The following TRAF3IP1 variants were observed in gnomAD, a reference collection of about 807,000 sequenced individuals.
The protein encoded by TRAF3IP1 is TRAF3-interacting protein 1.
In TRAF3IP1, 53 loss-of-function variants were observed where a neutral mutation model predicts 89.9. That is an observed-to-expected ratio of 0.59 (90% confidence interval 0.47 to 0.74). TRAF3IP1 has a LOEUF of 0.74. TRAF3IP1 is among the 30% of genes least tolerant of loss of function. The probability of loss-of-function intolerance (pLI) is 0.00; values close to 1 mark genes in which losing one functional copy is unlikely to be tolerated. For missense variants in TRAF3IP1, 806 were observed against 866.1 expected (o/e 0.93, Z 0.87); for synonymous variants, 311 against 322.1 (o/e 0.97, Z 0.37).
At chr2:238,367,932 G>C (rs1049051911) in intron 15 of TRAF3IP1, among the ~76,000 whole-genome samples, 6 of 151,782 alleles carry the variant, frequency 4.0e-5, no homozygotes, top group Non-Finnish European at 5.9e-5. Context: ...AACTTATTTC[G>C]AGAATTATTT....
At chr2:238,347,302 C>A in intron 9 of TRAF3IP1, 153 bp from the exon 10 acceptor site, 1 of 732,538 alleles carries the variant, frequency 1.4e-6, no homozygotes, top group Non-Finnish European at 2.3e-6. Flanking sequence ...GCAATAGGGA[C>A]ATTAGAAAAG....
chr2:238,376,388 C>G (rs554881123), intron 15 of TRAF3IP1, among the ~76,000 whole-genome samples: 1 of 152,326 alleles, frequency 6.6e-6, no homozygotes, highest in East Asian at 1.9e-4. Flanking sequence ...TACCACCCTG[C>G]TGTAATGACT....
intron 15 of TRAF3IP1, among the ~76,000 whole-genome samples, chr2:238,395,183 T>C (rs1701155330): frequency 6.6e-6 from 1 of 151,902 alleles, no homozygotes; most frequent in Admixed American, 6.6e-5. Context: ...CTGGGCAACA[T>C]AGTGAGACCC....
chr2:238,394,127 C>T (rs1701111554), intron 15 of TRAF3IP1, among the ~76,000 whole-genome samples: 1 of 152,036 alleles, frequency 6.6e-6, no homozygotes, highest in South Asian at 2.1e-4. Flanking sequence ...ATCTGGGAGG[C>T]AGAGGTTGCA....
At chr2:238,376,702 T>C (rs1361130298) in intron 15 of TRAF3IP1, among the ~76,000 whole-genome samples, 2 of 152,242 alleles carry the variant, frequency 1.3e-5, no homozygotes, top group African/African-American at 4.8e-5. Context: ...TCTGCTATTA[T>C]AAATACTGTA....
chr2:238,328,589 T>C (rs1340859548), intron 3 of TRAF3IP1, 97 bp from the exon 4 acceptor site: 11 of 1,387,856 alleles, frequency 7.9e-6, no homozygotes, highest in Non-Finnish European at 9.8e-6. Flanking sequence ...ACAGAGAATC[T>C]GTCTCATGAG....
chr2:238,387,006 A>G (rs1038046602), intron 15 of TRAF3IP1, among the ~76,000 whole-genome samples: 1 of 152,250 alleles, frequency 6.6e-6, no homozygotes, highest in African/African-American at 2.4e-5. Flanking sequence ...TCTAACAGCT[A>G]ACATTTATAG....
intron 15 of TRAF3IP1, among the ~76,000 whole-genome samples, chr2:238,381,392 C>T (rs941309325): frequency 2.0e-5 from 3 of 152,328 alleles, no homozygotes; most frequent in African/African-American, 7.2e-5. Context: ...TTGGAGGGGG[C>T]CATAGGCATG....
intron 14 of TRAF3IP1, among the ~76,000 whole-genome samples, chr2:238,355,283 C>T (rs1699358995): frequency 1.3e-5 from 2 of 152,178 alleles, no homozygotes. Context: ...CTACCCTCTA[C>T]TCTCCCTCTC....
rs948005996 is a variant in TRAF3IP1, at chr2:238,342,690, A to AT, written c.1160-1798dup. Reference sequence around the variant, plus strand: ...CCGCCAAACTTATGTTTATTTTTAGATTTTTTTTTGTTAAGAACTTAATAT... The same window carrying AT: ...CCGCCAAACTTATGTTTATTTTTAGATTTTTTTTTTGTTAAGAACTTAATAT... On this transcript the variant is annotated intron_variant, in intron 8 of 16. Transcript: ENST00000373327. Among the ~76,000 whole-genome samples, 48 of 151,486 alleles carry AT rather than the reference A, an allele frequency of 3.2e-4. No homozygotes were observed. The South Asian group carries it at 4.4e-3, about 14-fold the overall frequency.
intron 14 of TRAF3IP1, 134 bp from the exon 15 acceptor site, chr2:238,355,870 A>G (rs994650775): frequency 1.5e-6 from 1 of 682,980 alleles, no homozygotes; most frequent in South Asian, 1.7e-5. Context: ...ACAAATAAAG[A>G]TTATTTGAAA....
chr2:238,328,010 A>C (rs898397715), intron 3 of TRAF3IP1, among the ~76,000 whole-genome samples: 1 of 152,162 alleles, frequency 6.6e-6, no homozygotes, highest in Non-Finnish European at 1.5e-5. Flanking sequence ...GTTTGCTCCC[A>C]CATTTTAGCT....
At chr2:238,353,106 A>G in intron 13 of TRAF3IP1, 67 bp from the exon 14 acceptor site, 1 of 1,598,564 alleles carries the variant, frequency 6.3e-7, no homozygotes, top group Non-Finnish European at 8.6e-7. Context: ...TTTGAGATCC[A>G]CAGAAGCATG....
intron 16 of TRAF3IP1, 57 bp from the exon 17 acceptor site, chr2:238,398,697 A>G: frequency 2.7e-6 from 4 of 1,458,100 alleles, no homozygotes; most frequent in Non-Finnish European, 3.6e-6. Flanking sequence ...CTTAATTAAG[A>G]AGCCAACACA....
chr2:238,385,585 G>A (rs185515138), intron 15 of TRAF3IP1, among the ~76,000 whole-genome samples: 1 of 152,302 alleles, frequency 6.6e-6, no homozygotes, highest in East Asian at 1.9e-4. Flanking sequence ...GAACAAGGGT[G>A]GGTACCATGA....
intron 15 of TRAF3IP1, among the ~76,000 whole-genome samples, chr2:238,372,950 A>G (rs1700169068): frequency 6.6e-6 from 1 of 152,134 alleles, no homozygotes; most frequent in African/African-American, 2.4e-5. Context: ...GTGTCTGTTC[A>G]TATCCTTTGC....
At chr2:238,357,227 G>A (rs1021976427) in intron 15 of TRAF3IP1, among the ~76,000 whole-genome samples, 3 of 152,178 alleles carry the variant, frequency 2.0e-5, no homozygotes, top group Admixed American at 2.0e-4. Context: ...CCACTAGGGC[G>A]GGCACCTGTG....
At chr2:238,398,628 T>C (rs1230090228) in intron 16 of TRAF3IP1, 126 bp from the exon 17 acceptor site, 9 of 1,135,912 alleles carry the variant, frequency 7.9e-6, no homozygotes, top group Non-Finnish European at 1.1e-5. Context: ...AAATAAGAAA[T>C]AAATATTATC....
Position 238,344,573 on chromosome 2 carries a change from G to C in TRAF3IP1, c.1236G>C (p.Gln412His). The C allele has an allele frequency of 6.2e-7, 1 of 1,614,156 alleles. No individual in the cohort carries two copies. Among genetic ancestry groups the C allele is most frequent in the Non-Finnish European group, 8.5e-7 (1 of 1,179,988 alleles). The change falls in exon 9 of 17, where the codon CAG becomes CAC. Residue 412 changes from glutamine to histidine, a missense_variant. Physicochemically the swap from Gln to His is conservative, Grantham distance 24 (BLOSUM62 0). Around this residue, in one of 3 missense-constraint regions of TRAF3IP1, gnomAD observed 732 missense variants for 780.5 expected, o/e 0.94. Coordinates refer to ENST00000373327, the MANE Select transcript of TRAF3IP1 (RefSeq NM_015650.4). ...NSASLRCENI[Q>H]PNPTEKQKGD... Reference sequence around the variant, plus strand: ...CTAGTCTGCGGTGTGAGAATATTCAGCCCAACCCCACAGAGAAGCAGAAAG... The same window carrying C: ...CTAGTCTGCGGTGTGAGAATATTCACCCCAACCCCACAGAGAAGCAGAAAG...
Sources: allele counts gnomAD v4.1 joint callset (sites outside exome capture counted in the v4.1 genomes callset), GRCh38; gene constraint gnomAD v4.1.1; regional missense constraint gnomAD v4.1.1; transcripts MANE v1.5; gene names NCBI Gene and HGNC (gene_info 2026-07-23, HGNC 2026-07-21).